CRYAB: variants seen among roughly 807,000 people sequenced by gnomAD.
The protein encoded by CRYAB is crystallin alpha B, also known as alpha-crystallin B chain.
CRYAB carries 9 observed loss-of-function variants against 12.7 expected under a neutral mutation model. The ratio of observed to expected loss-of-function variants is 0.71; its 90% CI spans 0.43 to 1.24. CRYAB has a LOEUF of 1.24. Ranked by LOEUF, CRYAB falls within the 50% of genes most tolerant of loss-of-function variation. The pLI is 0.00. For synonymous variants in CRYAB, 93 were observed against 86.8 expected (o/e 1.07, Z -0.40); for missense variants, 183 against 226.6 (o/e 0.81, Z 1.24).
chr11:111,913,612 CTG>C, upstream of CRYAB: 1 of 1,614,220 alleles, frequency 6.2e-7, no homozygotes, highest in Non-Finnish European at 8.5e-7. Flanking sequence ...GACGAGGTGA[CTG>C]TGAGGACTGT....
chr11:111,910,112 C>T (rs898377628), intron 2 of CRYAB: 203 of 707,180 alleles, frequency 2.9e-4, no homozygotes, highest in Admixed American at 7.7e-4. Context: ...CCATCTAAGG[C>T]GATCAAATCA....
At chr11:111,916,462 A>G (rs947392133), upstream of CRYAB, among the ~76,000 whole-genome samples, 1 of 152,178 alleles carries the variant, frequency 6.6e-6, no homozygotes, top group Admixed American at 6.5e-5. Flanking sequence ...GCCTCAAGCA[A>G]TCTGCCCACC....
upstream of CRYAB, chr11:111,912,839 C>T: frequency 6.2e-7 from 1 of 1,603,358 alleles, no homozygotes; most frequent in Non-Finnish European, 8.5e-7. Context: ...CATGTCGGGC[C>T]GCTCAGTGCC....
upstream of CRYAB, among the ~76,000 whole-genome samples, chr11:111,914,314 A>G (rs1293287994): frequency 6.6e-6 from 1 of 152,176 alleles, no homozygotes; most frequent in Non-Finnish European, 1.5e-5. Context: ...AGAGAGAGTG[A>G]TCCTGGGAGG....
At chr11:111,909,372 G>T in intron 2 of CRYAB, 2 of 315,334 alleles carry the variant, frequency 6.3e-6, no homozygotes, top group Non-Finnish European at 1.2e-5. Context: ...TAGGACTGCT[G>T]CTGAAATTAA....
At chr11:111,912,706 T>G, upstream of CRYAB, 3 of 429,720 alleles carry the variant, frequency 7.0e-6, no homozygotes, top group Middle Eastern at 8.0e-4. Context: ...CTCGGCACTA[T>G]TTTGGGTGGT....
chr11:111,908,993 G>A (rs782561182), intron 2 of CRYAB, 26 bp from the exon 3 acceptor site: 1 of 1,612,514 alleles, frequency 6.2e-7, no homozygotes, highest in Non-Finnish European at 8.5e-7. Flanking sequence ...GAGGAAAGAG[G>A]CAGAGAGATA....
At chr11:111,920,499 CTGCAG>C (rs1349300548) in intron 1 of CRYAB, among the ~76,000 whole-genome samples, 2 of 152,078 alleles carry the variant, frequency 1.3e-5, no homozygotes, top group South Asian at 2.1e-4. Context: ...GATTGCGCCA[CTGCAG>C]TCCAGACTGG....
chr11:111,909,979 C>T, intron 2 of CRYAB: 1 of 599,914 alleles, frequency 1.7e-6, no homozygotes, highest in Non-Finnish European at 3.0e-6. Flanking sequence ...GCTTCGGCAG[C>T]ACATATGCTA....
intron 2 of CRYAB, 121 bp downstream of exon 2, chr11:111,910,206 G>T: frequency 8.1e-7 from 1 of 1,231,910 alleles, no homozygotes; most frequent in Non-Finnish European, 1.2e-6. Context: ...TGTAACCCCT[G>T]ATCCCGACTG....
In CRYAB at chr11:111,911,584, G is replaced by A; in HGVS notation, c.141C>T (p.Phe47=). 1 of 1,613,420 alleles carries A rather than the reference G, an allele frequency of 6.2e-7. No homozygotes were observed. The change falls in exon 1 of 3, where the codon TTC becomes TTT. Residue 47 remains phenylalanine (F), a synonymous_variant. Coordinates refer to ENST00000650687, the MANE Select transcript of CRYAB (RefSeq NM_001289808.2). ...LFPTSTSLSP[F]YLRPPSFLRA... ...GCAGGAAGGAGGGTGGCCGAAGGTA[G>A]AAGGGACTCAGGGAAGTAGACGTCG...
intron 1 of CRYAB, among the ~76,000 whole-genome samples, chr11:111,920,861 T>C (rs970406497): frequency 6.6e-6 from 1 of 152,248 alleles, no homozygotes; most frequent in East Asian, 1.9e-4. Flanking sequence ...TATGTGACCA[T>C]AGGTAATAAG....
chr11:111,913,072 C>T (rs1965522012), upstream of CRYAB: 1 of 658,272 alleles, frequency 1.5e-6, no homozygotes, highest in South Asian at 1.8e-5. Context: ...CCCTCATCCC[C>T]TCCAAGCAGA....
upstream of CRYAB, chr11:111,912,762 G>A: frequency 7.9e-7 from 1 of 1,273,432 alleles, no homozygotes; most frequent in Non-Finnish European, 1.1e-6. Flanking sequence ...TCTCCGGGCA[G>A]CTGGAGGGGT....
upstream of CRYAB, among the ~76,000 whole-genome samples, chr11:111,915,267 G>A (rs1965580449): frequency 6.6e-6 from 1 of 152,078 alleles, no homozygotes. Context: ...AGGGATCTGT[G>A]GACCTCCAGG....
rs373114236 is a variant in CRYAB, at chr11:111,911,733, G to A, written c.-9C>T. 3.8e-5 allele frequency: 60 copies of A among 1,572,978 alleles called. No homozygotes were observed. Among genetic ancestry groups the A allele is most frequent in the Non-Finnish European group, 4.7e-5 (55 of 1,158,322 alleles). On this transcript the variant is annotated 5_prime_UTR_variant, in exon 1 of 3. Coordinates refer to ENST00000650687, the MANE Select transcript of CRYAB (RefSeq NM_001289808.2). ...TGGATGGCGATGTCCATGGTGGCTA[G>A]GTGAGTGTGAGGGGTCAGCTGGCTG...
chr11:111,917,160 T>C (rs1029051905), upstream of CRYAB, among the ~76,000 whole-genome samples: 1 of 152,236 alleles, frequency 6.6e-6, no homozygotes, highest in Non-Finnish European at 1.5e-5. Context: ...CAAGCCACTG[T>C]GTAAACCCAG....
chr11:111,913,104 C>A, upstream of CRYAB: 1 of 632,456 alleles, frequency 1.6e-6, no homozygotes. Flanking sequence ...TTCCTGCTGA[C>A]CTCAAGACAC....
chr11:111,913,963 A>G, upstream of CRYAB: 1 of 1,322,684 alleles, frequency 7.6e-7, no homozygotes, highest in Non-Finnish European at 1.0e-6. Flanking sequence ...GCTGCCCACC[A>G]CTCCAGAGGT....
Sources: gnomAD v4.1 joint callset for allele counts (sites outside exome capture counted in the v4.1 genomes callset) on GRCh38, gnomAD v4.1.1 for gene constraint, MANE v1.5 for transcripts, NCBI Gene and HGNC (gene_info 2026-07-23, HGNC 2026-07-21) for gene names.